The following NOC2L variants were observed in gnomAD, a reference collection of about 807,000 sequenced individuals.
NOC2L encodes the protein NOC2 like nucleolar associated transcriptional repressor, also known as nucleolar complex protein 2 homolog.
In NOC2L, 101 loss-of-function variants were observed where a neutral mutation model predicts 94.2. The ratio of observed to expected loss-of-function variants is 1.07; its 90% CI spans 0.91 to 1.26. The LOEUF (loss-of-function observed/expected upper bound fraction) is 1.26. Among genes scored for constraint, NOC2L ranks in the 50% most tolerant of loss-of-function variants. The probability of loss-of-function intolerance (pLI) is 0.00; values close to 1 mark genes in which losing one functional copy is unlikely to be tolerated. For synonymous variants in NOC2L, 531 were observed against 413.4 expected (o/e 1.28, Z -3.45); for missense variants, 1,076 against 980.1 (o/e 1.10, Z -1.31).
In NOC2L at chr1:955,994, G is replaced by A. The variant is rs1642390059; in HGVS notation, c.627C>T (p.Thr209=). The A allele has an allele frequency of 5.0e-6, 8 of 1,613,842 alleles. No homozygotes were observed. Among genetic ancestry groups the A allele is most frequent in the Non-Finnish European group, 5.1e-6 (6 of 1,180,022 alleles). ...TDSAAFNALV[T]FCIRDLIGCL... ...AGCCAATGAGGTCTCTGATGCAGAAGGTAACCAGAGCATTGAATGCTGCAA... is the reference window on the plus strand; with the variant it reads ...AGCCAATGAGGTCTCTGATGCAGAAAGTAACCAGAGCATTGAATGCTGCAA... Residue 209 remains threonine (T), a synonymous_variant, in exon 6 of 19, where the codon ACC becomes ACT. Coordinates refer to ENST00000327044, the MANE Select transcript of NOC2L (RefSeq NM_015658.4).
chr1:944,314 CTT>C lies in NOC2L; in HGVS notation c.*378_*379del, dbSNP rs1454017731. On this transcript the variant is annotated 3_prime_UTR_variant, in exon 19 of 19. Coordinates refer to ENST00000327044, the MANE Select transcript of NOC2L (RefSeq NM_015658.4). ...AAGGAAAGGAACAAATTTTCAAAGA[CTT>C]GGGGGAGTGAAGGCAGAGCCTGGTG... The C allele has an allele frequency of 2.2e-5, 31 of 1,391,428 alleles. No homozygotes were observed. The highest frequency in any genetic ancestry group is 2.3e-5 in the Non-Finnish European group (25 of 1,079,388). 86.2% of individuals were successfully genotyped at this position (1,391,428 alleles called of 1,614,324 possible). A position where few individuals can be genotyped will look rare whatever the true frequency, so the allele number is the denominator to read the frequency against.
chr1:948,668 T>C, intron 12 of NOC2L, 65 bp from the exon 13 acceptor site: 1 of 1,347,354 alleles, frequency 7.4e-7, no homozygotes, highest in Non-Finnish European at 1.1e-6. Flanking sequence ...TCACCCTGGC[T>C]GCACCCTGGT....
rs1425426939 is a variant in NOC2L, at chr1:945,132, G to A, written c.2068C>T (p.Leu690=). ...TCTTCCACCCCATGCCGAGTGCTCA[G>A]GGGCCTCAGTATCCCTGAGGAACAA... The part of the protein sequence containing the change: ...GFSERGILRP[L]STRHGVEDDE... Residue 690 remains leucine, a synonymous_variant, in exon 18 of 19, where the codon CTG becomes TTG. Transcript: ENST00000327044. The A allele has an allele frequency of 6.2e-7, 1 of 1,609,622 alleles. No homozygotes were observed. The highest frequency in any genetic ancestry group is 1.1e-5 in the South Asian group (1 of 90,446).
chr1:944,234 A>G lies in NOC2L; in HGVS notation c.*460T>C, dbSNP rs544040354. 4.8e-6 allele frequency: 7 copies of G among 1,457,988 alleles called. No individual in the cohort carries two copies. In the South Asian group the frequency reaches 1.1e-4, roughly 24 times the overall value. The allele number at this position is 1,457,988 out of a possible 1,614,324, so 90.3% of individuals were successfully genotyped here. A position where few individuals can be genotyped will look rare whatever the true frequency, so the allele number is the denominator to read the frequency against. ...CAATGGCCCTGCCTCCCACCGCTTT[A>G]TTTCTTTCGGTTTCGGATGCAAAAC... On this transcript the variant is annotated 3_prime_UTR_variant, in exon 19 of 19. Transcript: ENST00000327044.
chr1:948,480 C>T lies in NOC2L; in HGVS notation c.1557+10G>A, dbSNP rs375141658. On this transcript the variant is annotated intron_variant, in intron 13 of 18. Coordinates refer to ENST00000327044, the MANE Select transcript of NOC2L (RefSeq NM_015658.4). ...ACTGCCCAGGCCCCTCCCCAGGAGG[C>T]CAGCCTCACCCGGTACGCCTTCTCC... 2 of 1,604,834 alleles carry T rather than the reference C, an allele frequency of 1.2e-6. No homozygotes were observed. Among genetic ancestry groups the T allele is most frequent in the Non-Finnish European group, 1.7e-6 (2 of 1,172,506 alleles).
Position 945,585 on chromosome 1 carries a change from C to G in NOC2L, c.1986G>C (p.Lys662Asn), listed in dbSNP as rs779464694. Reference protein sequence around the residue: ...KMADRKDEDRKQFKDLFDLNS... With the variant: ...KMADRKDEDRNQFKDLFDLNS... Reference sequence around the variant, plus strand: ...TCAGGTCAAAGAGGTCTTTAAATTGCTTCCTGTCCTCATCCTTCCTGTCAG... The same window carrying G: ...TCAGGTCAAAGAGGTCTTTAAATTGGTTCCTGTCCTCATCCTTCCTGTCAG... The change falls in exon 17 of 19, where the codon AAG (lysine) becomes AAC (asparagine). Residue 662 changes from lysine to asparagine, a missense_variant. Lys to Asn is a moderately conservative substitution (Grantham distance 94, BLOSUM62 0). This residue lies in a region of NOC2L where 615 missense variants were observed against 577.4 expected (regional missense o/e 1.07). Transcript: ENST00000327044. 2 of 1,614,140 alleles carry G rather than the reference C, an allele frequency of 1.2e-6. No individual in the cohort carries two copies. The highest frequency in any genetic ancestry group is 1.7e-6 in the Non-Finnish European group (2 of 1,179,968).
At chr1:951,092 C>T (rs369175018) in intron 12 of NOC2L, 35 bp downstream of exon 12, 34 of 1,473,684 alleles carry the variant, frequency 2.3e-5, no homozygotes, top group Admixed American at 7.8e-5. Flanking sequence ...CAGGAGCAGG[C>T]AGAGGTGCCA....
chr1:947,436 TGA>T (rs1642143997), intron 14 of NOC2L, among the ~76,000 whole-genome samples: 1 of 152,234 alleles, frequency 6.6e-6, no homozygotes, highest in Admixed American at 6.5e-5. Context: ...GTGGCTCATG[TGA>T]GCAGATCCCT....
Position 946,242 on chromosome 1 carries a change from G to T in NOC2L, c.1848C>A (p.Thr616=), listed in dbSNP as rs201867500. The change falls in exon 16 of 19, where the codon ACC becomes ACA. Residue 616 remains threonine, a synonymous_variant. Coordinates refer to ENST00000327044, the MANE Select transcript of NOC2L (RefSeq NM_015658.4). ...KLTREEGTPL[T]LYYSHWRKLR... ...GCTTGCGCCAGTGGCTGTAGTACAA[G>T]GTCAGGGGTGTCCCCTCTTCCCGGG... is the stretch of plus-strand genomic sequence containing the variant. The T allele has an allele frequency of 6.2e-7, 1 of 1,613,768 alleles. No individual in the cohort carries two copies. Among genetic ancestry groups the T allele is most frequent in the South Asian group, 1.1e-5 (1 of 91,086 alleles).
intron 14 of NOC2L, 148 bp from the exon 15 acceptor site, chr1:946,693 T>A: frequency 1.1e-6 from 1 of 935,954 alleles, no homozygotes; most frequent in Non-Finnish European, 1.6e-6. Context: ...TGCATAGCTG[T>A]TGCAGCTGGG....
At chr1:944,987 G>T (rs1004530230) in intron 18 of NOC2L, 70 bp downstream of exon 18, 2 of 1,605,442 alleles carry the variant, frequency 1.2e-6, no homozygotes, top group South Asian at 2.2e-5. Context: ...CACGCCCCCC[G>T]CCCACGTGGC....
chr1:945,604 C>G lies in NOC2L; in HGVS notation c.1967G>C (p.Arg656Thr). The change falls in exon 17 of 19, where the codon AGG becomes ACG. Residue 656 changes from arginine (R) to threonine (T), a missense_variant. Coordinates refer to ENST00000327044, the MANE Select transcript of NOC2L (RefSeq NM_015658.4). ...PEIKRRKMAD[R>T]KDEDRKQFKD... ...AAATTGCTTCCTGTCCTCATCCTTC[C>G]TGTCAGCCATCTTCCTTCGTTTGAT... 1 of 1,614,208 alleles carries G rather than the reference C, an allele frequency of 6.2e-7. No individual in the cohort carries two copies. Among genetic ancestry groups the G allele is most frequent in the Admixed American group, 1.7e-5 (1 of 60,028 alleles).
In NOC2L at chr1:951,982, G is replaced by A. The variant is rs1242894120; in HGVS notation, c.1331+18C>T. The A allele has an allele frequency of 2.5e-6, 4 of 1,607,616 alleles. No homozygotes were observed. The Admixed American group carries it at 6.7e-5, about 27-fold the overall frequency. On this transcript the variant is annotated intron_variant, in intron 11 of 18. Transcript: ENST00000327044. ...TCTCCTGACCCTCCCGCACAACCCT[G>A]CCCACCCCACAACTCACTTGATACA...
intron 13 of NOC2L, 127 bp from the exon 14 acceptor site, chr1:948,359 G>A: frequency 9.5e-7 from 1 of 1,049,632 alleles, no homozygotes; most frequent in Non-Finnish European, 1.4e-6. Context: ...GGGGCTCCTG[G>A]GCCCCAGCCC....
intron 16 of NOC2L, 58 bp from the exon 17 acceptor site, chr1:945,711 G>C: frequency 6.2e-7 from 1 of 1,611,046 alleles, no homozygotes; most frequent in South Asian, 1.1e-5. Flanking sequence ...GGCGGCCACA[G>C]CAGGGCCAGG....
intron 6 of NOC2L, among the ~76,000 whole-genome samples, chr1:954,757 G>A (rs939058296): frequency 1.1e-4 from 16 of 151,992 alleles, no homozygotes; most frequent in African/African-American, 3.9e-4. Context: ...AATCCAGAAG[G>A]TACGTGTCGC....
chr1:945,034 C>T (rs1447343611), intron 18 of NOC2L, 23 bp downstream of exon 18: 4 of 1,613,992 alleles, frequency 2.5e-6, no homozygotes, highest in South Asian at 2.2e-5. Flanking sequence ...AGGGCCACAC[C>T]CTCTCACCCC....
chr1:945,166 G>A lies in NOC2L; in HGVS notation c.2054-20C>T, dbSNP rs777812589. On this transcript the variant is annotated intron_variant, in intron 17 of 18. Transcript: ENST00000327044. ...GTATCCCTGAGGAACAAGAAGCAGA[G>A]TCCATATGACTCCCACCCACAGGGT... 1.0e-5 allele frequency: 16 copies of A among 1,578,724 alleles called. No individual in the cohort carries two copies. Among genetic ancestry groups the A allele is most frequent in the Middle Eastern group, 1.7e-4 (1 of 6,034 alleles).
At chr1:950,151 C>T (rs1003349081) in intron 12 of NOC2L, among the ~76,000 whole-genome samples, 8 of 151,984 alleles carry the variant, frequency 5.3e-5, no homozygotes, top group East Asian at 1.9e-4. Flanking sequence ...GGTGCACACA[C>T]GCACAGGCAC....
Sources: allele counts gnomAD v4.1 joint callset (sites outside exome capture counted in the v4.1 genomes callset), GRCh38; gene constraint gnomAD v4.1.1; regional missense constraint gnomAD v4.1.1; transcripts MANE v1.5; gene names NCBI Gene and HGNC (gene_info 2026-07-23, HGNC 2026-07-21).